ZSCAN29: variants seen among roughly 807,000 people sequenced by gnomAD.
ZSCAN29 encodes zinc finger and SCAN domain containing 29.
In ZSCAN29, 55 loss-of-function variants were observed where a neutral mutation model predicts 71.9. The observed-to-expected ratio is 0.76, with a 90% confidence interval of 0.62 to 0.96. ZSCAN29 has a LOEUF of 0.96. Among genes scored for constraint, ZSCAN29 ranks in the 40% least tolerant of loss-of-function variants. The probability of loss-of-function intolerance (pLI) is 0.00; values close to 1 mark genes in which losing one functional copy is unlikely to be tolerated. For synonymous variants in ZSCAN29, 351 were observed against 371.6 expected, an observed-to-expected ratio of 0.94 and a Z score of 0.64; for missense variants, 1,042 against 1,042.2, an observed-to-expected ratio of 1.00 and a Z score of 0.00.
At position 43,366,441 on chromosome 15, in the gene ZSCAN29, CTG is replaced by C. The variant is rs746271003; in HGVS notation, c.889_890del (p.Gln297ValfsTer22). 6.2e-7 allele frequency: 1 copy of C among 1,614,220 alleles called. No individual in the cohort carries two copies. Among genetic ancestry groups the C allele is most frequent in the East Asian group, 2.2e-5 (1 of 44,882 alleles). On this transcript the variant is annotated frameshift_variant, in exon 4 of 6. Coordinates refer to ENST00000684362, the MANE Select transcript of ZSCAN29 (RefSeq NM_001372080.1). LOFTEE classifies it high-confidence loss of function. Reference protein sequence around the residue: ...REYGFLRTLEQCRTKFKGLQK... With the variant: ...REYGFLRTLEXCRTKFKGLQK... ...GGAGACCTTTGAACTTGGTCCGACA[CTG>C]TTCCAGGGTCCGGAGGAAGCCATAT...
rs961755022 is a variant in ZSCAN29 at position 43,370,941 on chromosome 15, C to T, written c.-496G>A. 2 of 227,870 alleles carry T rather than the reference C, an allele frequency of 8.8e-6. No homozygotes were observed. The highest frequency in any genetic ancestry group is 2.3e-5 in the African/African-American group (1 of 42,768). The allele number at this position is 227,870 out of a possible 1,614,324, so 14.1% of individuals were successfully genotyped here. A position where few individuals can be genotyped will look rare whatever the true frequency, so the allele number is the denominator to read the frequency against. On this transcript the variant is annotated 5_prime_UTR_variant, in exon 1 of 6. Transcript: ENST00000684362. ...CTCAACCCCCTCGCATCCTTGCCTC[C>T]GGGCCAGCCTCACCCACTCGGGGTC...
Position 43,369,983 on chromosome 15 carries a change from C to G in ZSCAN29, c.-70G>C. On this transcript the variant is annotated 5_prime_UTR_variant, in exon 2 of 6. Coordinates refer to ENST00000684362, the MANE Select transcript of ZSCAN29 (RefSeq NM_001372080.1). Reference sequence around the variant, plus strand: ...AGGGCTTACATCTATCTTCCCATGTCCTTGGAGAATCCCCTGCAGATGACT... The same window carrying G: ...AGGGCTTACATCTATCTTCCCATGTGCTTGGAGAATCCCCTGCAGATGACT... 1 of 1,453,206 alleles carries G rather than the reference C, an allele frequency of 6.9e-7. No homozygotes were observed. Among genetic ancestry groups the G allele is most frequent in the Non-Finnish European group, 9.2e-7 (1 of 1,083,896 alleles). 90.0% of individuals were successfully genotyped at this position (1,453,206 alleles called of 1,614,324 possible). A position where few individuals can be genotyped will look rare whatever the true frequency, so the allele number is the denominator to read the frequency against.
At chr15:43,363,700 G>A (rs940994172) in intron 5 of ZSCAN29, 7 of 496,406 alleles carry the variant, frequency 1.4e-5, no homozygotes, top group African/African-American at 1.3e-4. Context: ...ACAATGTGCA[G>A]CTATCTCAGA....
chr15:43,364,577 A>G (rs1331310244), intron 4 of ZSCAN29, 195 bp from the exon 5 acceptor site: 1 of 682,466 alleles, frequency 1.5e-6, no homozygotes, highest in African/African-American at 1.8e-5. Context: ...TAGCAATTTC[A>G]CAGAGACCTT....
rs2044098825 is a variant in ZSCAN29 at position 43,370,823 on chromosome 15, C to T, written c.-378G>A. The stretch of plus-strand genomic sequence containing the variant: ...CTCCGGCCGGGTAACCCGGAGCCGT[C>T]GTGCGGTCCCTCCAGAGGCCTCTGA... On this transcript the variant is annotated 5_prime_UTR_variant, in exon 1 of 6. Coordinates refer to ENST00000684362, the MANE Select transcript of ZSCAN29 (RefSeq NM_001372080.1). 1 of 153,820 alleles carries T rather than the reference C, an allele frequency of 6.5e-6. No individual in the cohort carries two copies. The highest frequency in any genetic ancestry group is 1.9e-4 in the East Asian group (1 of 5,196). The allele number at this position is 153,820 out of a possible 1,614,324, so 9.5% of individuals were successfully genotyped here.
chr15:43,369,993 T>C lies in ZSCAN29; in HGVS notation c.-80A>G, dbSNP rs1390884415. 44 of 1,392,618 alleles carry C rather than the reference T, an allele frequency of 3.2e-5. No homozygotes were observed. Among genetic ancestry groups the C allele is most frequent in the Non-Finnish European group, 4.3e-5 (44 of 1,031,890 alleles). 86.3% of individuals were successfully genotyped at this position (1,392,618 alleles called of 1,614,324 possible). On this transcript the variant is annotated 5_prime_UTR_variant, in exon 2 of 6. Transcript: ENST00000684362. Reference sequence around the variant, plus strand: ...TCTATCTTCCCATGTCCTTGGAGAATCCCCTGCAGATGACTGTAAGAGGTG... The same window carrying C: ...TCTATCTTCCCATGTCCTTGGAGAACCCCCTGCAGATGACTGTAAGAGGTG...
chr15:43,366,389 C>A lies in ZSCAN29; in HGVS notation c.943G>T (p.Gly315Cys). Residue 315 changes from glycine to cysteine, a missense_variant, in exon 4 of 6, where the codon GGC (glycine) becomes TGC (cysteine). Transcript: ENST00000684362. ...LQKSYRKVKS[G>C]HPPETCPFFE... ...AAGGGGCAGGTCTCAGGTGGGTGGC[C>A]GCTCTTGACTTTCCGATAGCTCTTC... 1 of 1,614,086 alleles carries A rather than the reference C, an allele frequency of 6.2e-7. No individual in the cohort carries two copies. The highest frequency in any genetic ancestry group is 8.5e-7 in the Non-Finnish European group (1 of 1,180,026).
Position 43,361,326 on chromosome 15 carries a change from T to C in ZSCAN29, c.2306A>G (p.Lys769Arg), listed in dbSNP as rs1293685955. 6.2e-7 allele frequency: 1 copy of C among 1,614,188 alleles called. No homozygotes were observed. Among genetic ancestry groups the C allele is most frequent in the Admixed American group, 1.7e-5 (1 of 60,030 alleles). The change falls in exon 6 of 6, where the codon AAA becomes AGA. Residue 769 changes from lysine (K) to arginine (R), a missense_variant. Transcript: ENST00000684362. The stretch of plus-strand genomic sequence containing the variant: ...AAAATGAGAACTGTTATTGAAGCTT[T>C]TTCCACACTCTTCACATTGATAGGG... The part of the protein sequence containing the change: ...EKPYQCEECG[K>R]SFNNSSHFSA...
intron 5 of ZSCAN29, among the ~76,000 whole-genome samples, chr15:43,362,911 G>T (rs1287591953): frequency 6.6e-6 from 1 of 152,084 alleles, no homozygotes; most frequent in East Asian, 1.9e-4. Flanking sequence ...GCTACTATGT[G>T]CCAGGCACTG....
chr15:43,371,035 A>G lies in ZSCAN29; in HGVS notation c.-590T>C. 6 of 434,156 alleles carry G rather than the reference A, an allele frequency of 1.4e-5. No individual in the cohort carries two copies. Among genetic ancestry groups the G allele is most frequent in the South Asian group, 1.1e-4 (5 of 44,608 alleles). 26.9% of individuals were successfully genotyped at this position (434,156 alleles called of 1,614,324 possible). On this transcript the variant is annotated 5_prime_UTR_variant, in exon 1 of 6. Transcript: ENST00000684362. Reference sequence around the variant, plus strand: ...CCAGCCTCCCAAGTACAGCTCCCAAACCGGAAGTCCGAGCGGGCGGCTCGG... The same window carrying G: ...CCAGCCTCCCAAGTACAGCTCCCAAGCCGGAAGTCCGAGCGGGCGGCTCGG...
rs1429244183 is a variant in ZSCAN29, at chr15:43,361,275, C to T, written c.2357G>A (p.Gly786Glu). The T allele has an allele frequency of 6.2e-7, 1 of 1,614,062 alleles. No individual in the cohort carries two copies. Among genetic ancestry groups the T allele is most frequent in the East Asian group, 2.2e-5 (1 of 44,896 alleles). Residue 786 changes from glycine to glutamate, a missense_variant, in exon 6 of 6, where the codon GGA (glycine) becomes GAA (glutamate). By Grantham distance (98) the Gly-to-Glu change is moderately conservative. Coordinates refer to ENST00000684362, the MANE Select transcript of ZSCAN29 (RefSeq NM_001372080.1). ...GTCAGGACACACATGGGGTCTCTCT[C>T]CTGTGTGTATCCTCCGATGTGCACT... ...HFSAHRRIHTGERPHVCPDCG... is the reference protein window; with the variant it reads ...HFSAHRRIHTEERPHVCPDCG...
In ZSCAN29 at chr15:43,359,218, A is replaced by T. The variant is rs781233454; in HGVS notation, c.*1855T>A. 3 of 152,194 alleles carry T rather than the reference A, an allele frequency of 2.0e-5. No individual in the cohort carries two copies. The highest frequency in any genetic ancestry group is 2.9e-5 in the Non-Finnish European group (2 of 68,040). 9.4% of individuals were successfully genotyped at this position (152,194 alleles called of 1,614,324 possible). A position where few individuals can be genotyped will look rare whatever the true frequency, so the allele number is the denominator to read the frequency against. ...AAGCAAACTAATGCATTGGACCACA[A>T]CATTTATGCATAGTGTTGCTACCTA... On this transcript the variant is annotated 3_prime_UTR_variant, in exon 6 of 6. Transcript: ENST00000684362.
intron 2 of ZSCAN29, 29 bp from the exon 3 acceptor site, chr15:43,369,156 G>C: frequency 6.6e-7 from 1 of 1,520,504 alleles, no homozygotes; most frequent in Admixed American, 2.1e-5. Flanking sequence ...AATTGTCACT[G>C]CAAGATCATA....
Position 43,369,028 on chromosome 15 carries a change from G to A in ZSCAN29, c.418C>T (p.Pro140Ser). The change falls in exon 3 of 6, where the codon CCC (proline) becomes TCC (serine). Residue 140 changes from proline (P) to serine (S), a missense_variant. Transcript: ENST00000684362. ...TTCTTGGGTACACCCCTGGGCTGGG[G>A]TTCCACTGACTCCTGCCGAACACTT... ...LLSVRQESVEPQPRGVPKKER... is the reference protein window; with the variant it reads ...LLSVRQESVESQPRGVPKKER... 6.2e-7 allele frequency: 1 copy of A among 1,612,594 alleles called. No individual in the cohort carries two copies. The highest frequency in any genetic ancestry group is 8.5e-7 in the Non-Finnish European group (1 of 1,179,376).
chr15:43,366,968 A>G (rs754410489), intron 3 of ZSCAN29, among the ~76,000 whole-genome samples, 160 bp from the exon 4 acceptor site: 1 of 152,254 alleles, frequency 6.6e-6, no homozygotes, highest in Non-Finnish European at 1.5e-5. Context: ...TGGGGAAAAT[A>G]CAGGAAACCT....
rs1395443045 is a variant in ZSCAN29 at position 43,370,969 on chromosome 15, A to ACCCCGGCCCCGG, written c.-525_-524insCCGGGGCCGGGG. 1 of 153,778 alleles carries ACCCCGGCCCCGG rather than the reference A, an allele frequency of 6.5e-6. No homozygotes were observed. Among genetic ancestry groups the ACCCCGGCCCCGG allele is most frequent in the Non-Finnish European group, 1.3e-5 (1 of 78,482 alleles). 9.5% of individuals were successfully genotyped at this position (153,778 alleles called of 1,614,324 possible). ...GCCAGCCTCACCCACTCGGGGTCCG[A>ACCCCGGCCCCGG]CCCTGACCCCGGCCCCGGCCCCGGC... On this transcript the variant is annotated 5_prime_UTR_variant, in exon 1 of 6. Coordinates refer to ENST00000684362, the MANE Select transcript of ZSCAN29 (RefSeq NM_001372080.1).
chr15:43,369,415 G>T, intron 2 of ZSCAN29, 181 bp downstream of exon 2: 1 of 664,350 alleles, frequency 1.5e-6, no homozygotes, highest in Non-Finnish European at 2.5e-6. Context: ...TGACAGGGTA[G>T]GTGAAGGTAC....
intron 5 of ZSCAN29, among the ~76,000 whole-genome samples, chr15:43,362,984 G>C (rs995264936): frequency 6.9e-6 from 1 of 145,442 alleles, no homozygotes; most frequent in South Asian, 2.1e-4. Flanking sequence ...CAAACTTGGG[G>C]GTTAAGTAAC....
chr15:43,369,580 C>T lies in ZSCAN29; in HGVS notation c.318+16G>A. Reference sequence around the variant, plus strand: ...AGTATCACACTTTTGAATTTGAATTCCCCCTCCCTTCTCACCGAAGATCTA... The same window carrying T: ...AGTATCACACTTTTGAATTTGAATTTCCCCTCCCTTCTCACCGAAGATCTA... On this transcript the variant is annotated intron_variant, in intron 2 of 5. Coordinates refer to ENST00000684362, the MANE Select transcript of ZSCAN29 (RefSeq NM_001372080.1). 1 of 1,603,094 alleles carries T rather than the reference C, an allele frequency of 6.2e-7. No individual in the cohort carries two copies. Among genetic ancestry groups the T allele is most frequent in the Non-Finnish European group, 8.5e-7 (1 of 1,173,256 alleles).
Sources: allele counts gnomAD v4.1 joint callset (sites outside exome capture counted in the v4.1 genomes callset), GRCh38; gene constraint gnomAD v4.1.1; transcripts MANE v1.5; gene names NCBI Gene and HGNC (gene_info 2026-07-23, HGNC 2026-07-21).